The following CDH12 variants were observed in gnomAD, a reference collection of about 807,000 sequenced individuals.
CDH12 encodes the protein cadherin 12.
A neutral mutation model predicts 74.1 loss-of-function variants in CDH12; 41 were observed. That is an observed-to-expected ratio of 0.55 (90% confidence interval 0.43 to 0.72). The LOEUF is 0.72. Ranked by LOEUF, CDH12 falls within the 30% of genes least tolerant of loss-of-function variation. CDH12 has a pLI of 0.00. For synonymous variants in CDH12, 399 were observed against 355.0 expected (o/e 1.12, Z -1.39); for missense variants, 945 against 977.2 (o/e 0.97, Z 0.44).
At chr5:21,810,455 C>T (rs572942328) in intron 9 of CDH12, among the ~76,000 whole-genome samples, 156 of 152,026 alleles carry the variant, frequency 1.0e-3, no homozygotes, top group African/African-American at 3.6e-3. Context: ...GGAATGGAAG[C>T]GGTGTTAGAA....
intron 1 of CDH12, among the ~76,000 whole-genome samples, chr5:22,758,756 G>T (rs1746060530): frequency 6.6e-6 from 1 of 152,042 alleles, no homozygotes; most frequent in African/African-American, 2.4e-5. Flanking sequence ...AAGTATGTTT[G>T]ATTTATTTAT....
intron 2 of CDH12, among the ~76,000 whole-genome samples, chr5:22,424,002 C>CAA (rs1165781089): frequency 0.031 from 978 of 31,158 alleles, 122 homozygotes; most frequent in African/African-American, 0.084. Flanking sequence ...GACTCTGTCT[C>CAA]AAAAAAAAAA....
At chr5:22,322,212 C>G (rs937530997) in intron 3 of CDH12, among the ~76,000 whole-genome samples, 1 of 152,068 alleles carries the variant, frequency 6.6e-6, no homozygotes, top group African/African-American at 2.4e-5. Context: ...AGAAGCATAA[C>G]AATATGCCTT....
intron 2 of CDH12, among the ~76,000 whole-genome samples, chr5:22,488,794 A>T (rs1290859700): frequency 6.6e-6 from 1 of 152,048 alleles, no homozygotes; most frequent in African/African-American, 2.4e-5. Flanking sequence ...AAAGGTTTCC[A>T]TAAAGATTCA....
intron 2 of CDH12, among the ~76,000 whole-genome samples, chr5:22,460,713 A>ATTTTTTTTTTTTTTTTTTTTTTT (rs3039460): frequency 1.2e-5 from 1 of 85,622 alleles, no homozygotes; most frequent in African/African-American, 5.1e-5. Context: ...ATATCTAGCA[A>ATTTTTTTTTTTTTTTTTTTTTTT]TTTTTTTTTT....
intron 3 of CDH12, among the ~76,000 whole-genome samples, chr5:22,312,221 T>G (rs1307926295): frequency 6.6e-6 from 1 of 152,056 alleles, no homozygotes; most frequent in East Asian, 1.9e-4. Context: ...AGATATGTTA[T>G]AAAATTGAAT....
chr5:21,945,427 C>CAA (rs1167475672), intron 6 of CDH12, among the ~76,000 whole-genome samples: 530 of 15,524 alleles, frequency 0.034, 139 homozygotes, highest in Non-Finnish European at 0.045. Flanking sequence ...CTGTTTCAGA[C>CAA]AAAAAAAAAA....
chr5:22,546,459 C>T lies in CDH12; in HGVS notation c.-522-41095G>A, dbSNP rs1244445041. 2.0e-5 allele frequency among the ~76,000 whole-genome samples: 3 copies of T among 152,100 alleles called. No homozygotes were observed. In the East Asian group the frequency reaches 5.8e-4, roughly 29 times the overall value. ...TCATAAATTTCTGTGTATAAACTAA[C>T]CAATCATCGACCTTCCATATATCAG... On this transcript the variant is annotated intron_variant, in intron 1 of 14. Transcript: ENST00000382254.
At chr5:21,826,840 T>A (rs1240380565) in intron 8 of CDH12, among the ~76,000 whole-genome samples, 3 of 152,144 alleles carry the variant, frequency 2.0e-5, no homozygotes, top group Non-Finnish European at 4.4e-5. Flanking sequence ...ACATCAAGAC[T>A]ATGAGATACC....
At chr5:22,003,087 A>G (rs1419889957) in intron 5 of CDH12, among the ~76,000 whole-genome samples, 1 of 152,090 alleles carries the variant, frequency 6.6e-6, no homozygotes, top group Non-Finnish European at 1.5e-5. Context: ...GGAAATATAT[A>G]TGGGTGTTAA....
At chr5:21,978,945 G>A (rs1308368083) in intron 5 of CDH12, among the ~76,000 whole-genome samples, 1 of 146,806 alleles carries the variant, frequency 6.8e-6, no homozygotes, top group African/African-American at 2.6e-5. Context: ...TTCAGGCTTT[G>A]CTTACAATGT....
intron 5 of CDH12, among the ~76,000 whole-genome samples, chr5:21,998,489 G>A (rs1267184360): frequency 1.3e-5 from 2 of 152,004 alleles, no homozygotes; most frequent in Non-Finnish European, 2.9e-5. Flanking sequence ...GACACAAATA[G>A]TTCCCTGCTT....
At chr5:22,179,198 C>A (rs986410991) in intron 4 of CDH12, among the ~76,000 whole-genome samples, 16 of 152,230 alleles carry the variant, frequency 1.1e-4, no homozygotes, top group Admixed American at 9.8e-4. Context: ...AAACAGAATT[C>A]ATCTATGTAC....
At chr5:22,721,257 C>G (rs73068131) in intron 1 of CDH12, among the ~76,000 whole-genome samples, 1 of 152,212 alleles carries the variant, frequency 6.6e-6, no homozygotes, top group East Asian at 1.9e-4. Flanking sequence ...TGGAGTGGAT[C>G]AAGGCCATGG....
At chr5:22,489,055 C>CTTTTTTTTTTTTTTTTTTTTTTTTT (rs1561442373) in intron 2 of CDH12, among the ~76,000 whole-genome samples, 1 of 15,716 alleles carries the variant, frequency 6.4e-5, no homozygotes, top group East Asian at 8.6e-4. Context: ...TTTGGTACCA[C>CTTTTTTTTTTTTTTTTTTTTTTTTT]CTTTTTTTTT....
At chr5:22,443,426 C>T (rs556200605) in intron 2 of CDH12, among the ~76,000 whole-genome samples, 2 of 152,006 alleles carry the variant, frequency 1.3e-5, no homozygotes, top group Admixed American at 1.3e-4. Context: ...AGTAGTATAT[C>T]AATTACGTAA....
intron 1 of CDH12, among the ~76,000 whole-genome samples, chr5:22,717,720 A>G (rs529015653): frequency 6.6e-6 from 1 of 152,262 alleles, no homozygotes; most frequent in South Asian, 2.1e-4. Context: ...GTGTTTGAGG[A>G]TGGGAGAGGT....
At chr5:21,952,150 C>A (rs183718230) in intron 6 of CDH12, among the ~76,000 whole-genome samples, 1 of 152,182 alleles carries the variant, frequency 6.6e-6, no homozygotes, top group African/African-American at 2.4e-5. Context: ...GTGCTGTTGC[C>A]GTTAGTTATC....
chr5:22,623,842 A>G (rs1348728264), intron 1 of CDH12, among the ~76,000 whole-genome samples: 2 of 152,238 alleles, frequency 1.3e-5, no homozygotes, highest in Non-Finnish European at 2.9e-5. Flanking sequence ...ACCAAAAAAG[A>G]GCCCGCATTG....
Sources: allele counts gnomAD v4.1 joint callset (sites outside exome capture counted in the v4.1 genomes callset), GRCh38; gene constraint gnomAD v4.1.1; transcripts MANE v1.5; gene names NCBI Gene and HGNC (gene_info 2026-07-23, HGNC 2026-07-21).